Variants in ZBBX observed in about 807,000 individuals in gnomAD.
The protein encoded by ZBBX is zinc finger B-box domain-containing protein 1.
In ZBBX, 101 loss-of-function variants were observed where a neutral mutation model predicts 108.5. The ratio of observed to expected loss-of-function variants is 0.93; its 90% CI spans 0.79 to 1.10. The LOEUF (loss-of-function observed/expected upper bound fraction) is 1.10. Ranked by LOEUF, ZBBX falls within the 50% of genes least tolerant of loss-of-function variation. ZBBX has a pLI of 0.00. For missense variants in ZBBX, 1,009 were observed against 941.4 expected (o/e 1.07, Z -0.94); for synonymous variants, 356 against 323.4 (o/e 1.10, Z -1.08).
chr3:167,243,736 C>T (rs1721081952), intron 20 of ZBBX, among the ~76,000 whole-genome samples: 1 of 140,250 alleles, frequency 7.1e-6, no homozygotes. Context: ...ATGTGTTCTA[C>T]AGTGGACTTG....
At position 167,369,126 on chromosome 3, in the gene ZBBX, G is replaced by A. The variant is rs1367219548; in HGVS notation, c.69-552C>T. On this transcript the variant is annotated intron_variant, in intron 4 of 21. Transcript: ENST00000675490. ...AACAGTTTTGGTACGGGAGCTTCCT[G>A]TACAAGAGATTTTGATAACATCTGA... 1.2e-4 allele frequency among the ~76,000 whole-genome samples: 18 copies of A among 152,146 alleles called. 1 individual carries two copies. The highest frequency in any genetic ancestry group is 1.1e-3 in the Admixed American group (17 of 15,262).
rs377062785 is a variant in ZBBX at position 167,298,346 on chromosome 3, C to A, written c.1838G>T (p.Arg613Leu). 5 of 1,597,706 alleles carry A rather than the reference C, an allele frequency of 3.1e-6. No individual in the cohort carries two copies. The African/African-American group carries it at 5.4e-5, about 17-fold the overall frequency. Residue 613 changes from arginine to leucine, a missense_variant, in exon 18 of 22, where the codon CGT becomes CTT. Coordinates refer to ENST00000675490, the MANE Select transcript of ZBBX (RefSeq NM_001199201.2). Reference sequence around the variant, plus strand: ...AGTACTGGAATTGTTGCATTCTAAACGATGAGAAGGAAGTAAGTTGAGTCT... The same window carrying A: ...AGTACTGGAATTGTTGCATTCTAAAAGATGAGAAGGAAGTAAGTTGAGTCT... ...NERLNLLPSH[R>L]LECNNSSTRI...
rs147727737 is a variant in ZBBX at position 167,334,006 on chromosome 3, T to A, written c.529-21A>T. On this transcript the variant is annotated intron_variant, in intron 9 of 21. Coordinates refer to ENST00000675490, the MANE Select transcript of ZBBX (RefSeq NM_001199201.2). ...TTTGCCTATTAAAAAAGTAACAATA[T>A]AATTAAAGCGCCTCATATGTTAACC... is the stretch of plus-strand genomic sequence containing the variant. 1,671 of 1,480,360 alleles carry A rather than the reference T, an allele frequency of 1.1e-3. 15 individuals carry two copies. In the Admixed American group the frequency reaches 0.022, roughly 19 times the overall value. The allele number at this position is 1,480,360 out of a possible 1,614,324, so 91.7% of individuals were successfully genotyped here.
At chr3:167,247,074 G>A (rs1045290231) in intron 20 of ZBBX, among the ~76,000 whole-genome samples, 1 of 152,168 alleles carries the variant, frequency 6.6e-6, no homozygotes, top group Non-Finnish European at 1.5e-5. Context: ...GGTGAGGACA[G>A]GCACTCCTGC....
At chr3:167,330,441 T>C (rs1184074666) in intron 10 of ZBBX, among the ~76,000 whole-genome samples, 2 of 152,148 alleles carry the variant, frequency 1.3e-5, no homozygotes, top group Non-Finnish European at 2.9e-5. Context: ...ATGATAACTA[T>C]TGTGGACTGA....
At chr3:167,336,011 T>C (rs1479811222) in intron 9 of ZBBX, among the ~76,000 whole-genome samples, 1 of 152,094 alleles carries the variant, frequency 6.6e-6, no homozygotes, top group East Asian at 1.9e-4. Context: ...AAGCCTCATT[T>C]AAAATGTCCT....
In ZBBX at chr3:167,285,950, G is replaced by C. The variant is rs115083705; in HGVS notation, c.1996+2917C>G. 3.6e-3 allele frequency among the ~76,000 whole-genome samples: 546 copies of C among 152,232 alleles called. 3 individuals carry two copies. The highest frequency in any genetic ancestry group is 0.013 in the African/African-American group (529 of 41,558). On this transcript the variant is annotated intron_variant, in intron 19 of 21. Coordinates refer to ENST00000675490, the MANE Select transcript of ZBBX (RefSeq NM_001199201.2). ...TTGATTTCTTTCCAACCAAGGGTAA[G>C]AGAAAGCAGGAAAAAAGCTAATAAG...
At position 167,362,901 on chromosome 3, in the gene ZBBX, G is replaced by T. The variant is rs150469644; in HGVS notation, c.274-2178C>A. On this transcript the variant is annotated intron_variant, in intron 6 of 21. Transcript: ENST00000675490. ...TCTTCCACCTGAACTTCAGCAACCT[G>T]CTCGGTATTTCTCTCCATCACATTT... is the stretch of plus-strand genomic sequence containing the variant. Among the ~76,000 whole-genome samples, 1,121 of 151,836 alleles carry T rather than the reference G, an allele frequency of 7.4e-3. 7 individuals carry two copies. Among genetic ancestry groups the T allele is most frequent in the Middle Eastern group, 0.014 (4 of 292 alleles).
the ZBBX span, among the ~76,000 whole-genome samples, chr3:167,184,469 C>T: frequency 6.6e-6 from 1 of 152,164 alleles, no homozygotes; most frequent in Non-Finnish European, 1.5e-5. Flanking sequence ...ACTAAATATG[C>T]CCTCATCATA....
chr3:167,401,540 G>C (rs1748424599), intron 1 of ZBBX: 1 of 152,150 alleles, frequency 6.6e-6, no homozygotes, highest in Non-Finnish European at 1.5e-5. Context: ...TAAACAAGGG[G>C]TGAATTATTT....
At position 167,365,931 on chromosome 3, in the gene ZBBX, G is replaced by A; in HGVS notation, c.228C>T (p.Val76=). 1.9e-6 allele frequency: 3 copies of A among 1,609,054 alleles called. No homozygotes were observed. The highest frequency in any genetic ancestry group is 2.5e-6 in the Non-Finnish European group (3 of 1,176,698). Residue 76 remains valine (V), a synonymous_variant, in exon 6 of 22, where the codon GTC becomes GTT. Coordinates refer to ENST00000675490, the MANE Select transcript of ZBBX (RefSeq NM_001199201.2). ...TTTGTGACATCATATATGATTGATT[G>A]ACCAATTTGCCCACTTTTCCAGATT... ...YWKSGKVGKL[V]NQSYMMSQNK...
rs370108469 is a variant in ZBBX, at chr3:167,350,492, ATCT to A, written c.453_455del (p.Glu151del). 426 of 1,591,248 alleles carry A rather than the reference ATCT, an allele frequency of 2.7e-4. 1 individual carries two copies. In the African/African-American group the frequency reaches 4.1e-3, roughly 15 times the overall value. On this transcript the variant is annotated inframe_deletion, in exon 9 of 22. Transcript: ENST00000675490. ...CTTTAGCAAAGCATCCTGAACAATA[ATCT>A]TCTCCACATTCAAGGCATACCTAAA...
chr3:167,261,660 G>A (rs563105941), intron 20 of ZBBX, among the ~76,000 whole-genome samples: 1 of 151,582 alleles, frequency 6.6e-6, no homozygotes, highest in East Asian at 2.0e-4. Flanking sequence ...AAACTGAAGG[G>A]CCTGTCTCAC....
At chr3:167,298,711 T>G (rs1261812063) in intron 17 of ZBBX, among the ~76,000 whole-genome samples, 1 of 152,020 alleles carries the variant, frequency 6.6e-6, no homozygotes, top group African/African-American at 2.4e-5. Flanking sequence ...AAAATAAACT[T>G]TTTTTCTCTT....
the ZBBX span, among the ~76,000 whole-genome samples, chr3:167,194,913 C>A: frequency 1.3e-5 from 2 of 152,064 alleles, no homozygotes; most frequent in African/African-American, 2.4e-5. Flanking sequence ...TTCAGGAGCA[C>A]CAGGAGGAAG....
Position 167,288,920 on chromosome 3 carries a change from C to T in ZBBX, c.1943G>A (p.Gly648Asp). Residue 648 changes from glycine (G) to aspartate (D), a missense_variant, in exon 19 of 22, where the codon GGT (glycine) becomes GAT (aspartate). Coordinates refer to ENST00000675490, the MANE Select transcript of ZBBX (RefSeq NM_001199201.2). ...SEYADNAIVL[G>D]VLQGAQSPSS... ...TGGACTCTGAGCACCCTGCAGAACA[C>T]CCAAGACAATTGCATTATCAGCATA... 6.5e-7 allele frequency: 1 copy of T among 1,544,446 alleles called. No individual in the cohort carries two copies. Among genetic ancestry groups the T allele is most frequent in the Middle Eastern group, 1.7e-4 (1 of 5,968 alleles).
chr3:167,407,492 A>G (rs73881204), intron 1 of ZBBX, among the ~76,000 whole-genome samples: 3,617 of 151,920 alleles, frequency 0.024, 136 homozygotes, highest in African/African-American at 0.081. Context: ...ATAATTTTTG[A>G]CTCCCCCAAA....
chr3:167,216,972 C>A, the ZBBX span, among the ~76,000 whole-genome samples: 1 of 152,128 alleles, frequency 6.6e-6, no homozygotes, highest in East Asian at 1.9e-4. Context: ...AAACTCAACT[C>A]AAAATGTATT....
intron 15 of ZBBX, among the ~76,000 whole-genome samples, chr3:167,315,240 TC>T (rs1410094998): frequency 6.6e-6 from 1 of 152,192 alleles, no homozygotes; most frequent in East Asian, 1.9e-4. Context: ...ATGAGAAAAT[TC>T]TACAACGCAA....
Sources: allele counts gnomAD v4.1 joint callset (sites outside exome capture counted in the v4.1 genomes callset), GRCh38; gene constraint gnomAD v4.1.1; transcripts MANE v1.5; gene names NCBI Gene and HGNC (gene_info 2026-07-23, HGNC 2026-07-21).